Variants in FAT3 observed in about 807,000 individuals in gnomAD.
FAT3 encodes the protein FAT atypical cadherin 3.
FAT3 carries 95 observed loss-of-function variants against 310.2 expected under a neutral mutation model. The observed-to-expected ratio is 0.31, with a 90% CI of 0.26 to 0.36. The LOEUF (loss-of-function observed/expected upper bound fraction) is 0.36. Among genes scored for constraint, FAT3 ranks in the 10% least tolerant of loss-of-function variants. The pLI is 1.00. For synonymous variants in FAT3, 2,314 were observed against 2,192.9 expected (o/e 1.06, Z -1.54); for missense variants, 5,408 against 5,715.6 (o/e 0.95, Z 1.74).
chr11:92,754,627 CAAA>C (rs71064722), intron 4 of FAT3, among the ~76,000 whole-genome samples: 6 of 32,714 alleles, frequency 1.8e-4, no homozygotes, highest in Non-Finnish European at 2.3e-4. Context: ...GACTCTGCCT[CAAA>C]AAAAAAAAAA....
At chr11:92,539,272 G>A (rs912627223) in intron 3 of FAT3, among the ~76,000 whole-genome samples, 3 of 152,104 alleles carry the variant, frequency 2.0e-5, no homozygotes, top group Non-Finnish European at 2.9e-5. Context: ...TCATATTTAA[G>A]TATTTTTATT....
At chr11:92,763,158 CAA>C (rs150307018) in intron 5 of FAT3, among the ~76,000 whole-genome samples, 8 of 137,846 alleles carry the variant, frequency 5.8e-5, no homozygotes, top group Admixed American at 7.3e-5. Context: ...GACTCTGTCT[CAA>C]AAAAAAAAAA....
At chr11:92,651,860 T>G (rs907656670) in intron 3 of FAT3, among the ~76,000 whole-genome samples, 4 of 152,222 alleles carry the variant, frequency 2.6e-5, no homozygotes, top group Admixed American at 2.6e-4. Flanking sequence ...TCTAAGTGTT[T>G]GACGTTGTGT....
chr11:92,647,892 T>C (rs1487809448), intron 3 of FAT3, among the ~76,000 whole-genome samples: 1 of 152,106 alleles, frequency 6.6e-6, no homozygotes, highest in Admixed American at 6.5e-5. Context: ...CAGGAAATTA[T>C]CAAGCAGAAT....
At chr11:92,750,969 T>C (rs1043186074) in intron 4 of FAT3, among the ~76,000 whole-genome samples, 3 of 152,222 alleles carry the variant, frequency 2.0e-5, no homozygotes, top group Non-Finnish European at 2.9e-5. Context: ...ACCTTTGGAA[T>C]GAACAGTGAA....
rs573646616 is a variant in FAT3, at chr11:92,574,031, A to G, written c.3607+49083A>G. Among the ~76,000 whole-genome samples the G allele has an allele frequency of 8.2e-4, 12 of 14,708 alleles. No homozygotes were observed. The Admixed American group carries it at 0.012, about 15-fold the overall frequency. 9.6% of individuals were successfully genotyped at this position (14,708 alleles called of 152,430 possible). ...GAAGGCAAATTGAATAAAAGAGCAA[A>G]CACATATTTTGTCAAGGCTGACATG... On this transcript the variant is annotated intron_variant, in intron 3 of 27. Coordinates refer to ENST00000525166, the MANE Select transcript of FAT3 (RefSeq NM_001367949.2).
rs1950036502 is a variant in FAT3, at chr11:92,896,423, A to G, written c.*5310A>G. 6.6e-6 allele frequency: 1 copy of G among 152,136 alleles called. No individual in the cohort carries two copies. 9.4% of individuals were successfully genotyped at this position (152,136 alleles called of 1,614,324 possible). On this transcript the variant is annotated 3_prime_UTR_variant, in exon 28 of 28. Coordinates refer to ENST00000525166, the MANE Select transcript of FAT3 (RefSeq NM_001367949.2). ...ACAGTGTACAGGTTTGTAACTGCCA[A>G]AATTTGATGGTTAAAACAAGTTTTC...
chr11:92,349,033 G>A (rs1333742965), intron 1 of FAT3, among the ~76,000 whole-genome samples: 1 of 152,100 alleles, frequency 6.6e-6, no homozygotes, highest in Non-Finnish European at 1.5e-5. Flanking sequence ...GAATGAGGGG[G>A]CAGACTCAGA....
intron 7 of FAT3, among the ~76,000 whole-genome samples, chr11:92,778,289 G>GAATTATCCC (rs1361515380): frequency 6.6e-6 from 1 of 152,088 alleles, no homozygotes; most frequent in African/African-American, 2.4e-5. Context: ...CATGTCCCAA[G>GAATTATCCC]AATTATCCCA....
At chr11:92,747,358 T>C (rs1945701028) in intron 4 of FAT3, among the ~76,000 whole-genome samples, 1 of 152,198 alleles carries the variant, frequency 6.6e-6, no homozygotes, top group African/African-American at 2.4e-5. Flanking sequence ...CTTTTAGCCA[T>C]GGCTGGCACT....
intron 4 of FAT3, among the ~76,000 whole-genome samples, chr11:92,723,147 C>G (rs1425227198): frequency 6.6e-6 from 1 of 152,084 alleles, no homozygotes; most frequent in Non-Finnish European, 1.5e-5. Context: ...TATGCTGTTT[C>G]CCTTATAAAA....
At chr11:92,527,858 TAGAC>T (rs1305410805) in intron 3 of FAT3, among the ~76,000 whole-genome samples, 5 of 152,224 alleles carry the variant, frequency 3.3e-5, no homozygotes, top group African/African-American at 1.2e-4. Flanking sequence ...CATAGATACA[TAGAC>T]AGAGGCATAC....
intron 7 of FAT3, among the ~76,000 whole-genome samples, chr11:92,784,326 T>C (rs1250752963): frequency 1.3e-5 from 2 of 152,254 alleles, no homozygotes; most frequent in African/African-American, 2.4e-5. Context: ...GGCTTCACCC[T>C]TGAAATCACA....
At chr11:92,482,535 A>G (rs527852383) in intron 2 of FAT3, among the ~76,000 whole-genome samples, 8 of 152,322 alleles carry the variant, frequency 5.3e-5, no homozygotes, top group African/African-American at 1.9e-4. Flanking sequence ...CCAGACTCCA[A>G]CACAGGTCGT....
Position 92,835,045 on chromosome 11 carries a change from T to G in FAT3, c.10047T>G (p.Val3349=). 1 of 1,613,590 alleles carries G rather than the reference T, an allele frequency of 6.2e-7. No homozygotes were observed. Among genetic ancestry groups the G allele is most frequent in the Non-Finnish European group, 8.5e-7 (1 of 1,179,774 alleles). The change falls in exon 15 of 28, where the codon GTT becomes GTG. Residue 3349 remains valine, a synonymous_variant. Coordinates refer to ENST00000525166, the MANE Select transcript of FAT3 (RefSeq NM_001367949.2). ...TCAGCCAAGACGTCTACAGTGCGGT[T>G]ATCAGTGAAGACGCCTTGGTGGGAG... ...PKFSQDVYSA[V]ISEDALVGDS...
At chr11:92,831,540 A>G (rs1440729476) in intron 13 of FAT3, 82 bp from the exon 14 acceptor site, 2 of 1,249,060 alleles carry the variant, frequency 1.6e-6, no homozygotes, top group African/African-American at 1.5e-5. Flanking sequence ...TGGCCCTTCA[A>G]AAGTCTGCAA....
At chr11:92,815,681 G>A (rs1027693217) in intron 13 of FAT3, among the ~76,000 whole-genome samples, 5 of 152,190 alleles carry the variant, frequency 3.3e-5, no homozygotes, top group Non-Finnish European at 7.3e-5. Flanking sequence ...AAGCAAGGTA[G>A]GCTATTTAGT....
rs11019883 is a variant in FAT3 at position 92,242,586 on chromosome 11, C to T, written c.-18+17412C>T. Among the ~76,000 whole-genome samples, 473 of 152,026 alleles carry T rather than the reference C, an allele frequency of 3.1e-3. 2 individuals are homozygous for T. Among genetic ancestry groups the T allele is most frequent in the African/African-American group, 0.011 (450 of 41,506 alleles). On this transcript the variant is annotated intron_variant, in intron 1 of 27. Coordinates refer to ENST00000525166, the MANE Select transcript of FAT3 (RefSeq NM_001367949.2). ...TCAAGGAGATAAATAAATCACTGTT[C>T]TTGACCTCAAGGAGTTTAAGATCTG...
intron 1 of FAT3, among the ~76,000 whole-genome samples, chr11:92,342,008 T>C (rs1274091521): frequency 6.6e-6 from 1 of 152,172 alleles, no homozygotes; most frequent in Non-Finnish European, 1.5e-5. Context: ...ATGGATGAAC[T>C]CAGTGTTGCT....
Sources: gnomAD v4.1 joint callset for allele counts (sites outside exome capture counted in the v4.1 genomes callset) on GRCh38, gnomAD v4.1.1 for gene constraint, MANE v1.5 for transcripts, NCBI Gene and HGNC (gene_info 2026-07-23, HGNC 2026-07-21) for gene names.